Variants in YWHAQ observed in about 807,000 individuals in gnomAD.
YWHAQ encodes 14-3-3 protein theta.
Under a neutral mutation model 28.3 loss-of-function variants are expected in YWHAQ, and 6 were observed. That is an observed-to-expected ratio of 0.21 (90% confidence interval 0.12 to 0.42). YWHAQ has a LOEUF of 0.42. Ranked by LOEUF, YWHAQ falls within the 10% of genes least tolerant of loss-of-function variation. The pLI is 1.00. For synonymous variants in YWHAQ, 143 were observed against 119.1 expected (o/e 1.20, Z -1.31); for missense variants, 201 against 305.6 (o/e 0.66, Z 2.55).
At chr2:9,588,955 AAATAAT>A (rs1483616911) in intron 3 of YWHAQ, among the ~76,000 whole-genome samples, 1 of 151,922 alleles carries the variant, frequency 6.6e-6, no homozygotes, top group African/African-American at 2.4e-5. Flanking sequence ...TCTCTACAAA[AAATAAT>A]AATAATAAAA....
intron 2 of YWHAQ, among the ~76,000 whole-genome samples, chr2:9,598,979 G>T (rs114656849): frequency 6.6e-6 from 1 of 152,154 alleles, no homozygotes; most frequent in Non-Finnish European, 1.5e-5. Context: ...CAGCAATGTC[G>T]TAAGTGCAAA....
intron 2 of YWHAQ, among the ~76,000 whole-genome samples, chr2:9,621,900 G>C (rs1044854145): frequency 2.0e-5 from 3 of 152,090 alleles, no homozygotes; most frequent in African/African-American, 7.2e-5. Context: ...CATAGATGAA[G>C]CTGGAAACCA....
At chr2:9,616,383 T>C (rs1464099903) in intron 2 of YWHAQ, among the ~76,000 whole-genome samples, 4 of 150,718 alleles carry the variant, frequency 2.7e-5, no homozygotes, top group Non-Finnish European at 5.9e-5. Context: ...TAAGTATATA[T>C]CTTCATGACC....
At chr2:9,592,027 G>A (rs1666465672) in intron 2 of YWHAQ, among the ~76,000 whole-genome samples, 1 of 152,098 alleles carries the variant, frequency 6.6e-6, no homozygotes, top group Non-Finnish European at 1.5e-5. Context: ...AGTATTTGAG[G>A]CATGAAGAAG....
rs572394782 is a variant in YWHAQ at position 9,603,820 on chromosome 2, G to A, written c.295-12305C>T. 2.0e-4 allele frequency among the ~76,000 whole-genome samples: 30 copies of A among 152,114 alleles called. 1 individual carries two copies. The East Asian group carries it at 4.7e-3, about 24-fold the overall frequency. The stretch of plus-strand genomic sequence containing the variant: ...TACACCTGTAATCCCAGCTACTTGG[G>A]AGGCTGAGGCAAGGGAATCTCTTTA... On this transcript the variant is annotated intron_variant, in intron 2 of 5. Transcript: ENST00000238081.
intron 2 of YWHAQ, among the ~76,000 whole-genome samples, chr2:9,616,672 T>C (rs917169864): frequency 3.3e-5 from 5 of 152,042 alleles, no homozygotes; most frequent in Non-Finnish European, 7.4e-5. Flanking sequence ...CCAAAGAGCA[T>C]ATACTAAAGG....
chr2:9,606,615 C>T (rs745537428), intron 2 of YWHAQ, among the ~76,000 whole-genome samples: 1 of 152,072 alleles, frequency 6.6e-6, no homozygotes, highest in African/African-American at 2.4e-5. Context: ...CTGCAACCTC[C>T]GCCACTCAGG....
At chr2:9,622,564 T>C (rs1319131414) in intron 2 of YWHAQ, among the ~76,000 whole-genome samples, 1 of 152,190 alleles carries the variant, frequency 6.6e-6, no homozygotes, top group Non-Finnish European at 1.5e-5. Context: ...CATTCCCTCT[T>C]GCGTAAACAC....
chr2:9,630,118 C>G lies in YWHAQ; in HGVS notation c.294+41G>C. 1 of 1,576,820 alleles carries G rather than the reference C, an allele frequency of 6.3e-7. No individual in the cohort carries two copies. The highest frequency in any genetic ancestry group is 8.6e-7 in the Non-Finnish European group (1 of 1,158,214). On this transcript the variant is annotated intron_variant, in intron 2 of 5. Coordinates refer to ENST00000238081, the MANE Select transcript of YWHAQ (RefSeq NM_006826.4). This position sits in a 1 kb window ranked among gnomAD's most constrained non-coding sequence, Gnocchi z 5.6. Reference sequence around the variant, plus strand: ...CCGCGAAACTCTCAATGAAAAGCATCTCACAAAAGGCCTCCCCTGCTCCCC... The same window carrying G: ...CCGCGAAACTCTCAATGAAAAGCATGTCACAAAAGGCCTCCCCTGCTCCCC...
chr2:9,621,072 G>C (rs1455650592), intron 2 of YWHAQ, among the ~76,000 whole-genome samples: 1 of 152,180 alleles, frequency 6.6e-6, no homozygotes, highest in Admixed American at 6.5e-5. Context: ...TTTCTCACAA[G>C]TGGAGTTTTC....
chr2:9,623,163 G>C, intron 2 of YWHAQ, among the ~76,000 whole-genome samples: 1 of 152,196 alleles, frequency 6.6e-6, no homozygotes, highest in East Asian at 1.9e-4. Flanking sequence ...TGTGAGAAGG[G>C]AGGTGGTCCT....
chr2:9,608,856 C>T (rs1666889235), intron 2 of YWHAQ, among the ~76,000 whole-genome samples: 1 of 152,142 alleles, frequency 6.6e-6, no homozygotes, highest in Admixed American at 6.5e-5. Flanking sequence ...AGGAAGATCA[C>T]TTGAACCCAG....
intron 2 of YWHAQ, among the ~76,000 whole-genome samples, chr2:9,628,146 A>G (rs1667285458): frequency 6.6e-6 from 1 of 152,156 alleles, no homozygotes; most frequent in South Asian, 2.1e-4. Context: ...GCCAACTTGA[A>G]GAAGTGCTTT....
At chr2:9,596,865 G>A (rs989600118) in intron 2 of YWHAQ, among the ~76,000 whole-genome samples, 2 of 152,114 alleles carry the variant, frequency 1.3e-5, no homozygotes, top group African/African-American at 4.8e-5. Flanking sequence ...GGCTGGTCTC[G>A]AACTCCTGAC....
intron 2 of YWHAQ, among the ~76,000 whole-genome samples, chr2:9,597,983 C>CTTTTTTTTTTTT (rs1558543507): frequency 1.3e-5 from 1 of 79,086 alleles, no homozygotes; most frequent in African/African-American, 8.3e-5. Flanking sequence ...CCATGCCGGG[C>CTTTTTTTTTTTT]TATTTTTTTT....
chr2:9,616,463 T>C (rs1277817043), intron 2 of YWHAQ, among the ~76,000 whole-genome samples: 3 of 147,392 alleles, frequency 2.0e-5, no homozygotes. Context: ...AAAAAAGGAC[T>C]TCAAAATTAA....
chr2:9,598,879 TCTTA>T (rs1662567390), intron 2 of YWHAQ, among the ~76,000 whole-genome samples: 1 of 152,210 alleles, frequency 6.6e-6, no homozygotes, highest in African/African-American at 2.4e-5. Context: ...GTTACATGTC[TCTTA>T]CTTACAAAAG....
chr2:9,630,557 G>C lies in YWHAQ; in HGVS notation c.-82-23C>G, dbSNP rs550380937. On this transcript the variant is annotated intron_variant, in intron 1 of 5. Coordinates refer to ENST00000238081, the MANE Select transcript of YWHAQ (RefSeq NM_006826.4). The surrounding 1 kb of genome is among the most constrained non-coding windows in gnomAD (Gnocchi z 5.6). ...GAGCTGCGGAGGGGCGGGGCGGCGA[G>C]GCGAGAACAAAAAGCAGAGAGGGAG... 8.4e-7 allele frequency: 1 copy of C among 1,193,724 alleles called. No homozygotes were observed. Among genetic ancestry groups the C allele is most frequent in the South Asian group, 1.6e-5 (1 of 62,616 alleles). 73.9% of individuals were successfully genotyped at this position (1,193,724 alleles called of 1,614,324 possible). A position where few individuals can be genotyped will look rare whatever the true frequency, so the allele number is the denominator to read the frequency against.
At chr2:9,614,123 A>G (rs937691698) in intron 2 of YWHAQ, among the ~76,000 whole-genome samples, 1 of 152,224 alleles carries the variant, frequency 6.6e-6, no homozygotes, top group African/African-American at 2.4e-5. Context: ...CTGAGTGGCC[A>G]TAACCGCAAT....
Sources: allele counts gnomAD v4.1 joint callset (sites outside exome capture counted in the v4.1 genomes callset), GRCh38; gene constraint gnomAD v4.1.1; non-coding constraint Gnocchi (gnomAD v3.1); transcripts MANE v1.5; gene names NCBI Gene and HGNC (gene_info 2026-07-23, HGNC 2026-07-21).